Variants in MLIP observed in about 807,000 individuals in gnomAD.
MLIP encodes muscular LMNA-interacting protein.
A neutral mutation model predicts 84.8 loss-of-function variants in MLIP; 79 were observed. The observed-to-expected ratio is 0.93, with a 90% CI of 0.78 to 1.12. The LOEUF is 1.12. Among genes scored for constraint, MLIP ranks in the 50% most tolerant of loss-of-function variants. The pLI is 0.00. For synonymous variants in MLIP, 504 were observed against 463.0 expected (o/e 1.09, Z -1.14); for missense variants, 1,257 against 1,160.6 (o/e 1.08, Z -1.21).
intron 9 of MLIP, among the ~76,000 whole-genome samples, chr6:54,177,945 C>A (rs191114175): frequency 6.6e-6 from 1 of 152,222 alleles, no homozygotes; most frequent in Non-Finnish European, 1.5e-5. Context: ...AATACAGGAA[C>A]AGAAAACCAA....
At chr6:54,234,588 AG>A (rs1488916944) in intron 12 of MLIP, among the ~76,000 whole-genome samples, 2 of 152,180 alleles carry the variant, frequency 1.3e-5, no homozygotes, top group Non-Finnish European at 2.9e-5. Flanking sequence ...AGTGGTCAAT[AG>A]CCACTATCTC....
rs1432659584 is a variant in MLIP at position 54,168,647 on chromosome 6, G to A, written c.2500-881G>A. On this transcript the variant is annotated intron_variant, in intron 8 of 13. Transcript: ENST00000502396. ...ATATGTATTGAGTGGATGAATGGAT[G>A]AATGAATCAAATAGCTATTTCATCT... Among the ~76,000 whole-genome samples, 3 of 151,786 alleles carry A rather than the reference G, an allele frequency of 2.0e-5. No individual in the cohort carries two copies. In the East Asian group the frequency reaches 5.8e-4, roughly 29 times the overall value.
chr6:54,226,347 C>T (rs1028453570), intron 11 of MLIP, among the ~76,000 whole-genome samples: 16 of 152,158 alleles, frequency 1.1e-4, no homozygotes, highest in African/African-American at 3.6e-4. Context: ...ATTCACATCT[C>T]AGAACACTTG....
At chr6:54,163,341 G>T (rs372694850) in intron 8 of MLIP, among the ~76,000 whole-genome samples, 1 of 151,572 alleles carries the variant, frequency 6.6e-6, no homozygotes, top group Non-Finnish European at 1.5e-5. Flanking sequence ...ATTTACCAGG[G>T]ACTTTAAGCC....
intron 1 of MLIP, among the ~76,000 whole-genome samples, chr6:54,036,046 G>A (rs770800969): frequency 7.9e-5 from 12 of 151,736 alleles, no homozygotes; most frequent in Non-Finnish European, 1.6e-4. Context: ...TCTTCACTGA[G>A]TCCTAGGTCT....
At position 54,220,920 on chromosome 6, in the gene MLIP, T is replaced by TACAC. The variant is rs1364953560; in HGVS notation, c.2719-9793_2719-9792insCACA. Among the ~76,000 whole-genome samples the TACAC allele has an allele frequency of 2.1e-3, 318 of 149,666 alleles. 2 individuals are homozygous for TACAC. Among genetic ancestry groups the TACAC allele is most frequent in the African/African-American group, 7.6e-3 (304 of 40,202 alleles). Reference sequence around the variant, plus strand: ...AGGTAACCTATAACGACAAAGGAGATATACACACACACACACACACGTAGA... The same window carrying TACAC: ...AGGTAACCTATAACGACAAAGGAGATACACATACACACACACACACACACGTAGA... On this transcript the variant is annotated intron_variant, in intron 11 of 13. Transcript: ENST00000502396.
chr6:54,032,686 T>C (rs1764208925), intron 1 of MLIP, among the ~76,000 whole-genome samples: 1 of 152,210 alleles, frequency 6.6e-6, no homozygotes, highest in South Asian at 2.1e-4. Context: ...CCTGAGTAGC[T>C]GGGACTAGAG....
chr6:54,183,634 A>T (rs1183443447), intron 9 of MLIP, among the ~76,000 whole-genome samples: 2 of 51,404 alleles, frequency 3.9e-5, no homozygotes, highest in African/African-American at 8.8e-5. Flanking sequence ...TCCCTATCTT[A>T]AAGAATCAAA....
chr6:54,238,222 T>C (rs1475311486), intron 12 of MLIP, among the ~76,000 whole-genome samples: 1 of 152,204 alleles, frequency 6.6e-6, no homozygotes, highest in African/African-American at 2.4e-5. Flanking sequence ...TCAGCTTACT[T>C]ACCTGGCCCT....
At chr6:54,122,481 C>G (rs666104) in intron 2 of MLIP, among the ~76,000 whole-genome samples, 58,325 of 151,610 alleles carry the variant, frequency 0.38, 11,422 homozygotes, top group Admixed American at 0.47. Context: ...TTTAACATTG[C>G]TTACTTATAA....
intron 11 of MLIP, among the ~76,000 whole-genome samples, chr6:54,230,084 G>A (rs1483119598): frequency 6.6e-6 from 1 of 152,088 alleles, no homozygotes; most frequent in African/African-American, 2.4e-5. Context: ...TTTCTTTGCA[G>A]TTGCACTCCT....
intron 11 of MLIP, among the ~76,000 whole-genome samples, chr6:54,226,013 A>C (rs1780550371): frequency 6.6e-6 from 1 of 152,226 alleles, no homozygotes; most frequent in Admixed American, 6.5e-5. Flanking sequence ...GAGAAAGCCA[A>C]GTACTGATTC....
intron 3 of MLIP, among the ~76,000 whole-genome samples, chr6:54,133,726 C>T (rs1771577203): frequency 6.6e-6 from 1 of 152,146 alleles, no homozygotes; most frequent in Non-Finnish European, 1.5e-5. Flanking sequence ...TACATAGGAT[C>T]TGAGGGTGAA....
At chr6:54,024,327 T>C (rs1305756207) in intron 1 of MLIP, among the ~76,000 whole-genome samples, 1 of 152,276 alleles carries the variant, frequency 6.6e-6, no homozygotes. Context: ...TATTTATTAA[T>C]TCATAGCTTC....
chr6:54,127,422 A>G (rs1232880728), intron 3 of MLIP, among the ~76,000 whole-genome samples: 2 of 152,158 alleles, frequency 1.3e-5, no homozygotes, highest in African/African-American at 2.4e-5. Flanking sequence ...TATTCAAAAG[A>G]TTGCATATCT....
intron 13 of MLIP, among the ~76,000 whole-genome samples, chr6:54,260,923 A>G (rs1431102795): frequency 6.6e-6 from 1 of 151,922 alleles, no homozygotes; most frequent in Non-Finnish European, 1.5e-5. Flanking sequence ...TATGACACTT[A>G]AAATACATGG....
intron 10 of MLIP, among the ~76,000 whole-genome samples, chr6:54,196,406 G>T (rs1036929094): frequency 6.6e-6 from 1 of 151,838 alleles, no homozygotes; most frequent in African/African-American, 2.4e-5. Context: ...CTCTTTGTTC[G>T]GCCCCCACTT....
Position 54,137,915 on chromosome 6 carries a change from G to C in MLIP, c.1846G>C (p.Ala616Pro). The C allele has an allele frequency of 6.5e-7, 1 of 1,536,052 alleles. No homozygotes were observed. The highest frequency in any genetic ancestry group is 8.7e-7 in the Non-Finnish European group (1 of 1,146,898). ...AGAGAAATGTTTCCATCCTTCCCCA[G>C]CTCTTTCAAGCCTGATAAACAGATC... ...SSEKCFHPSPALSSLINRSKR... is the reference protein window; with the variant it reads ...SSEKCFHPSPPLSSLINRSKR... The change falls in exon 4 of 14, where the codon GCT becomes CCT. Residue 616 changes from alanine (A) to proline (P), a missense_variant. By Grantham distance (27) the Ala-to-Pro change is conservative. Transcript: ENST00000502396.
chr6:54,161,705 A>G (rs1010686369), intron 8 of MLIP, among the ~76,000 whole-genome samples: 2 of 151,952 alleles, frequency 1.3e-5, no homozygotes, highest in African/African-American at 4.8e-5. Context: ...CAATTGGAAT[A>G]TTATCAATAA....
Sources: gnomAD v4.1 joint callset for allele counts (sites outside exome capture counted in the v4.1 genomes callset) on GRCh38, gnomAD v4.1.1 for gene constraint, MANE v1.5 for transcripts, NCBI Gene and HGNC (gene_info 2026-07-23, HGNC 2026-07-21) for gene names.